The following RRN3 variants were observed in gnomAD, a reference collection of about 807,000 sequenced individuals.
The protein encoded by RRN3 is RNA polymerase I-specific transcription initiation factor RRN3.
In RRN3, 38 loss-of-function variants were observed where a neutral mutation model predicts 82.3. That is an observed-to-expected ratio of 0.46 (90% CI 0.36 to 0.61). The LOEUF (loss-of-function observed/expected upper bound fraction) is 0.61, where lower values mean the gene tolerates loss of function less well. Among genes scored for constraint, RRN3 ranks in the 20% least tolerant of loss-of-function variants. The probability of loss-of-function intolerance (pLI) is 0.00; values close to 1 mark genes in which losing one functional copy is unlikely to be tolerated. For missense variants in RRN3, 726 were observed against 793.1 expected (o/e 0.92, Z 1.02); for synonymous variants, 284 against 284.3 (o/e 1.00, Z 0.01).
Position 15,067,402 on chromosome 16 carries a change from C to T in RRN3, c.1553+767G>A, listed in dbSNP as rs985458194. On this transcript the variant is annotated intron_variant, in intron 15 of 17. Coordinates refer to ENST00000198767, the MANE Select transcript of RRN3 (RefSeq NM_018427.5). ...GTGATTTCACCTCTCTGTACCTCCACCTCCCTGTTGATAAACAGGGTTTCA... is the reference window on the plus strand; with the variant it reads ...GTGATTTCACCTCTCTGTACCTCCATCTCCCTGTTGATAAACAGGGTTTCA... 4.8e-5 allele frequency among the ~76,000 whole-genome samples: 4 copies of T among 84,142 alleles called. 1 individual carries two copies. The highest frequency in any genetic ancestry group is 4.4e-4 in the Admixed American group (3 of 6,754). 55.2% of individuals were successfully genotyped at this position (84,142 alleles called of 152,430 possible).
chr16:15,067,673 T>C (rs2045034911), intron 15 of RRN3, among the ~76,000 whole-genome samples: 2 of 151,792 alleles, frequency 1.3e-5, no homozygotes, highest in South Asian at 4.2e-4. Context: ...AGTGCTGCCC[T>C]TTGGATAAGA....
chr16:15,076,777 C>G, intron 9 of RRN3, 127 bp from the exon 10 acceptor site: 1 of 657,256 alleles, frequency 1.5e-6, no homozygotes, highest in African/African-American at 1.8e-5. Flanking sequence ...TATCACACCC[C>G]AACACAATAC....
intron 10 of RRN3, among the ~76,000 whole-genome samples, chr16:15,076,144 G>A (rs1235154535): frequency 6.6e-6 from 1 of 152,102 alleles, no homozygotes; most frequent in East Asian, 1.9e-4. Context: ...TGTCCCAAGG[G>A]CACCTGAATC....
chr16:15,077,224 C>A (rs550012927), intron 9 of RRN3, among the ~76,000 whole-genome samples: 1 of 151,918 alleles, frequency 6.6e-6, no homozygotes, highest in African/African-American at 2.4e-5. Flanking sequence ...GGTGATCCAC[C>A]GGCCTCAGCT....
chr16:15,090,185 G>A (rs1182314599), intron 3 of RRN3, among the ~76,000 whole-genome samples: 1 of 151,956 alleles, frequency 6.6e-6, no homozygotes, highest in East Asian at 1.9e-4. Context: ...ACTCCAGCCT[G>A]CGTGGTAAGA....
chr16:15,065,399 G>A lies in RRN3; in HGVS notation c.1554-28C>T, dbSNP rs1427365903. 2.5e-6 allele frequency: 4 copies of A among 1,605,536 alleles called. No individual in the cohort carries two copies. The African/African-American group carries it at 5.3e-5, about 21-fold the overall frequency. On this transcript the variant is annotated intron_variant, in intron 15 of 17. Coordinates refer to ENST00000198767, the MANE Select transcript of RRN3 (RefSeq NM_018427.5). ...GTGGAACAAAAAAACAACACAGACA[G>A]AGGCATTAACATGCTGGAGTGACTC...
chr16:15,080,309 A>C (rs1035137358), intron 8 of RRN3, among the ~76,000 whole-genome samples: 9 of 152,242 alleles, frequency 5.9e-5, no homozygotes, highest in Non-Finnish European at 1.2e-4. Context: ...TTTAATTTGC[A>C]TAACTATAGG....
At chr16:15,077,297 C>T (rs1315960790) in intron 9 of RRN3, among the ~76,000 whole-genome samples, 9 of 152,088 alleles carry the variant, frequency 5.9e-5, no homozygotes, top group Admixed American at 2.6e-4. Flanking sequence ...CATCTTGAAT[C>T]GTACTCCTCC....
intron 1 of RRN3, 146 bp from the exon 2 acceptor site, chr16:15,092,760 C>A: frequency 1.6e-6 from 1 of 628,952 alleles, no homozygotes. Flanking sequence ...AACCAACAAT[C>A]CTTCCTTTGC....
chr16:15,085,677 C>A lies in RRN3; in HGVS notation c.494G>T (p.Gly165Val), dbSNP rs1197461349. ...ATCAGAATCTGAAACATCTACATCG[C>A]CTTCCTTAATGATCACTCGGGCTTT... ...FVPPRVIIKEGDVDVSDSDDE... is the reference protein window; with the variant it reads ...FVPPRVIIKEVDVDVSDSDDE... Residue 165 changes from glycine (G) to valine (V), a missense_variant, in exon 6 of 18, where the codon GGC (glycine) becomes GTC (valine). Gly to Val is a moderately radical substitution (Grantham distance 109, BLOSUM62 -3). Transcript: ENST00000198767. The A allele has an allele frequency of 6.2e-7, 1 of 1,613,440 alleles. No homozygotes were observed. Among genetic ancestry groups the A allele is most frequent in the Non-Finnish European group, 8.5e-7 (1 of 1,179,802 alleles).
At position 15,090,873 on chromosome 16, in the gene RRN3, GTT is replaced by G. The variant is rs4012873; in HGVS notation, c.252+440_252+441del. Among the ~76,000 whole-genome samples, 247 of 128,128 alleles carry G rather than the reference GTT, an allele frequency of 1.9e-3. 1 individual carries two copies. Among genetic ancestry groups the G allele is most frequent in the African/African-American group, 5.3e-3 (183 of 34,750 alleles). The allele number at this position is 128,128 out of a possible 152,430, so 84.1% of individuals were successfully genotyped here. ...CCTGGAAATGCTGAATCAGTGGTTT[GTT>G]TTTTTTTTTTTTTTGCTTTGTTTTA... On this transcript the variant is annotated intron_variant, in intron 3 of 17. Transcript: ENST00000198767.
chr16:15,094,017 G>C, intron 1 of RRN3, 128 bp downstream of exon 1: 1 of 794,262 alleles, frequency 1.3e-6, no homozygotes, highest in Non-Finnish European at 2.1e-6. Context: ...GTGAACGTGA[G>C]ATGACCCTCC....
At chr16:15,092,718 G>T (rs2151829727) in intron 1 of RRN3, 104 bp from the exon 2 acceptor site, 2 of 756,158 alleles carry the variant, frequency 2.6e-6, no homozygotes, top group Admixed American at 2.3e-5. Context: ...TATTGTTAAG[G>T]CCTCTTTACT....
At chr16:15,076,957 G>A (rs1220689147) in intron 9 of RRN3, among the ~76,000 whole-genome samples, 1 of 150,216 alleles carries the variant, frequency 6.7e-6, no homozygotes, top group Non-Finnish European at 1.5e-5. Context: ...ATATGGTCTG[G>A]CTCTGTGTCC....
chr16:15,092,693 A>G (rs2151829653), intron 1 of RRN3, 79 bp from the exon 2 acceptor site: 4 of 960,492 alleles, frequency 4.2e-6, no homozygotes, highest in South Asian at 2.7e-5. Context: ...TTGAACCAAC[A>G]TAATTCAGTG....
intron 8 of RRN3, among the ~76,000 whole-genome samples, chr16:15,081,553 A>G (rs994284724): frequency 4.6e-5 from 7 of 152,322 alleles, no homozygotes; most frequent in Non-Finnish European, 7.4e-5. Context: ...TTATTCAATT[A>G]TAAGAGTTCT....
chr16:15,090,343 A>T (rs1428412318), intron 3 of RRN3, among the ~76,000 whole-genome samples: 12 of 152,226 alleles, frequency 7.9e-5, no homozygotes, highest in Non-Finnish European at 2.9e-5. Flanking sequence ...CTGGAACAAA[A>T]ACAACAGATG....
intron 7 of RRN3, among the ~76,000 whole-genome samples, chr16:15,083,921 G>C (rs1451586265): frequency 1.3e-5 from 2 of 152,162 alleles, no homozygotes; most frequent in Non-Finnish European, 2.9e-5. Flanking sequence ...TCTCCATGTT[G>C]GTCAGGCTGG....
At chr16:15,082,259 T>C (rs1259964789) in intron 8 of RRN3, among the ~76,000 whole-genome samples, 2 of 152,216 alleles carry the variant, frequency 1.3e-5, no homozygotes, top group Non-Finnish European at 2.9e-5. Context: ...TTTCCTTCTG[T>C]TTTTCTCGTA....
Sources: gnomAD v4.1 joint callset for allele counts (sites outside exome capture counted in the v4.1 genomes callset) on GRCh38, gnomAD v4.1.1 for gene constraint, MANE v1.5 for transcripts, NCBI Gene and HGNC (gene_info 2026-07-23, HGNC 2026-07-21) for gene names.